CDYL: variants seen among roughly 807,000 people sequenced by gnomAD.
CDYL encodes the protein chromodomain Y-like protein.
A neutral mutation model predicts 47.3 loss-of-function variants in CDYL; 8 were observed. The observed-to-expected ratio is 0.17, with a 90% CI of 0.10 to 0.31. The LOEUF is 0.31. CDYL is among the 10% of genes least tolerant of loss of function. CDYL has a pLI of 1.00. For missense variants in CDYL, 471 were observed against 701.4 expected (o/e 0.67, Z 3.71); for synonymous variants, 266 against 265.0 (o/e 1.00, Z -0.04).
intron 1 of CDYL, among the ~76,000 whole-genome samples, chr6:4,786,691 T>G (rs1758765309): frequency 6.6e-6 from 1 of 152,160 alleles, no homozygotes; most frequent in Non-Finnish European, 1.5e-5. Context: ...GCTGTTGCCT[T>G]GAGCTGGTTG....
intron 1 of CDYL, among the ~76,000 whole-genome samples, chr6:4,883,724 G>T (rs2127479442): frequency 6.6e-6 from 1 of 152,270 alleles, no homozygotes; most frequent in Non-Finnish European, 1.5e-5. Context: ...ATGATGCAGG[G>T]CTCACTGGTA....
At chr6:4,906,853 G>A (rs9502250) in intron 2 of CDYL, among the ~76,000 whole-genome samples, 23,526 of 152,102 alleles carry the variant, frequency 0.15, 4,136 homozygotes, top group African/African-American at 0.43. Flanking sequence ...AGTCTTCCAC[G>A]TGCCATTTTT....
intron 2 of CDYL, among the ~76,000 whole-genome samples, chr6:4,895,798 A>G (rs1054040564): frequency 1.3e-5 from 2 of 152,182 alleles, no homozygotes; most frequent in African/African-American, 4.8e-5. Context: ...TCATTCCTTT[A>G]TATTTCTTAT....
At chr6:4,842,060 C>A (rs879796641) in intron 1 of CDYL, among the ~76,000 whole-genome samples, 282 of 138,882 alleles carry the variant, frequency 2.0e-3, no homozygotes, top group Non-Finnish European at 3.3e-3. Flanking sequence ...TATTAATATT[C>A]ATATTTATTT....
intron 3 of CDYL, among the ~76,000 whole-genome samples, chr6:4,762,026 CCT>C (rs1758182641): frequency 6.6e-6 from 1 of 152,056 alleles, no homozygotes; most frequent in Admixed American, 6.6e-5. Flanking sequence ...ATGTTTTTCC[CCT>C]GTGAGCAAGA....
chr6:4,905,258 C>A (rs1050465463), intron 2 of CDYL, among the ~76,000 whole-genome samples: 1 of 152,152 alleles, frequency 6.6e-6, no homozygotes, highest in Non-Finnish European at 1.5e-5. Context: ...GAATGTTAAA[C>A]CCACTCAGGA....
chr6:4,882,795 A>G (rs1192485938), intron 1 of CDYL, among the ~76,000 whole-genome samples: 1 of 152,196 alleles, frequency 6.6e-6, no homozygotes, highest in African/African-American at 2.4e-5. Context: ...GGAAAATATT[A>G]GTGTCTAATA....
At chr6:4,739,658 A>C (rs553565402) in intron 3 of CDYL, among the ~76,000 whole-genome samples, 24 of 152,204 alleles carry the variant, frequency 1.6e-4, no homozygotes, top group Non-Finnish European at 2.5e-4. Context: ...GTAAAAGCAT[A>C]AAAAGGTGAT....
At chr6:4,734,689 A>T in intron 2 of CDYL, 2 of 1,583,984 alleles carry the variant, frequency 1.3e-6, no homozygotes, top group South Asian at 2.3e-5. Flanking sequence ...GGGGATGGGG[A>T]TGGAGGGAAG....
rs975591585 is a variant in CDYL, at chr6:4,841,823, A to G, written c.25-49890A>G. On this transcript the variant is annotated intron_variant, in intron 1 of 6. Coordinates refer to ENST00000397588, the MANE Select transcript of CDYL (RefSeq NM_004824.4). ...TGTTTTGTGGCCTATCATATGGGCT[A>G]TCTTGGAGAATGTTCCATGTGCTGA... Among the ~76,000 whole-genome samples the G allele has an allele frequency of 9.9e-5, 15 of 151,910 alleles. No homozygotes were observed. In the South Asian group the frequency reaches 2.1e-3, roughly 21 times the overall value.
chr6:4,895,493 G>A lies in CDYL; in HGVS notation c.691+3114G>A, dbSNP rs1346578810. ...TATACGTATATATGTATATATACAT[G>A]TATACATATATACGTATATATGTAT... On this transcript the variant is annotated intron_variant, in intron 2 of 6. Coordinates refer to ENST00000397588, the MANE Select transcript of CDYL (RefSeq NM_004824.4). 4.3e-5 allele frequency among the ~76,000 whole-genome samples: 6 copies of A among 140,910 alleles called. 1 individual carries two copies. Among genetic ancestry groups the A allele is most frequent in the African/African-American group, 1.6e-4 (6 of 36,890 alleles). 92.4% of individuals were successfully genotyped at this position (140,910 alleles called of 152,430 possible).
intron 2 of CDYL, among the ~76,000 whole-genome samples, chr6:4,922,809 A>C (rs1757755393): frequency 6.6e-6 from 1 of 152,210 alleles, no homozygotes; most frequent in Non-Finnish European, 1.5e-5. Context: ...GTGCAACATC[A>C]GCAATGGACA....
chr6:4,725,818 C>T (rs1010929375), intron 2 of CDYL, among the ~76,000 whole-genome samples: 8 of 152,348 alleles, frequency 5.3e-5, no homozygotes, highest in South Asian at 2.1e-4. Context: ...GAGGAGGCGC[C>T]GAGAGCGAGC....
chr6:4,766,133 T>C (rs1056304197), intron 3 of CDYL, among the ~76,000 whole-genome samples: 33 of 152,226 alleles, frequency 2.2e-4, no homozygotes, highest in Admixed American at 3.9e-4. Context: ...TTTTATGTTA[T>C]TAACTTTGAA....
At chr6:4,907,390 C>T (rs1279541511) in intron 2 of CDYL, among the ~76,000 whole-genome samples, 2 of 152,160 alleles carry the variant, frequency 1.3e-5, no homozygotes, top group Non-Finnish European at 2.9e-5. Context: ...GGTCCGGCTC[C>T]GTCTCATCCA....
At chr6:4,940,597 C>T (rs1440966481) in intron 4 of CDYL, among the ~76,000 whole-genome samples, 1 of 152,176 alleles carries the variant, frequency 6.6e-6, no homozygotes, top group East Asian at 1.9e-4. Flanking sequence ...AGGGTAATTG[C>T]AACAAAAATA....
At chr6:4,813,355 G>A (rs1257400368) in intron 1 of CDYL, among the ~76,000 whole-genome samples, 2 of 152,162 alleles carry the variant, frequency 1.3e-5, no homozygotes, top group Non-Finnish European at 2.9e-5. Context: ...AGATTTGCTG[G>A]CGAAGAGGTC....
intron 1 of CDYL, among the ~76,000 whole-genome samples, chr6:4,796,491 G>A (rs1362058584): frequency 6.6e-6 from 1 of 151,974 alleles, no homozygotes; most frequent in Admixed American, 6.6e-5. Flanking sequence ...TTTCTGGCCC[G>A]ATCTTTTAAT....
intron 2 of CDYL, among the ~76,000 whole-genome samples, chr6:4,910,035 CT>C (rs56321910): frequency 0.85 from 125,474 of 147,982 alleles, 53,223 homozygotes; most frequent in Admixed American, 0.89. Flanking sequence ...ACACACATAC[CT>C]TTTTTTTTTT....
Sources: allele counts gnomAD v4.1 joint callset (sites outside exome capture counted in the v4.1 genomes callset), GRCh38; gene constraint gnomAD v4.1.1; transcripts MANE v1.5; gene names NCBI Gene and HGNC (gene_info 2026-07-23, HGNC 2026-07-21).